ABLIM3: variants seen among roughly 807,000 people sequenced by gnomAD.
ABLIM3 encodes the protein actin binding LIM protein family member 3, also known as actin-binding LIM protein 3.
Under a neutral mutation model 109.5 loss-of-function variants are expected in ABLIM3, and 61 were observed. The ratio of observed to expected loss-of-function variants is 0.56; its 90% confidence interval spans 0.45 to 0.69. The LOEUF (loss-of-function observed/expected upper bound fraction) is 0.69, where lower values mean the gene tolerates loss of function less well. ABLIM3 is among the 30% of genes least tolerant of loss of function. The pLI is 0.00. For missense variants in ABLIM3, 796 were observed against 889.5 expected, an observed-to-expected ratio of 0.89 and a Z score of 1.34; for synonymous variants, 300 against 324.8, an observed-to-expected ratio of 0.92 and a Z score of 0.82.
intron 2 of ABLIM3, among the ~76,000 whole-genome samples, chr5:149,148,395 C>T (rs1457425585): frequency 6.6e-6 from 1 of 152,168 alleles, no homozygotes; most frequent in South Asian, 2.1e-4. Context: ...TGAGTCAGTA[C>T]ACTCGCTTCG....
Position 149,247,867 on chromosome 5 carries a change from G to C in ABLIM3, c.1637G>C (p.Arg546Pro), listed in dbSNP as rs138587496. ...SSYADPWTPP[R>P]SSTSSREALH... ...TATGCAGATCCCTGGACCCCTCCCC[G>C]GAGCTCCACCAGCAGCCGGGAAGCC... The change falls in exon 18 of 24, where the codon CGG becomes CCG. Residue 546 changes from arginine to proline, a missense_variant. Transcript: ENST00000309868. 6.2e-7 allele frequency: 1 copy of C among 1,614,220 alleles called. No individual in the cohort carries two copies. Among genetic ancestry groups the C allele is most frequent in the African/African-American group, 1.3e-5 (1 of 75,056 alleles).
chr5:149,208,911 G>A (rs1446374174), intron 6 of ABLIM3, among the ~76,000 whole-genome samples: 1 of 152,214 alleles, frequency 6.6e-6, no homozygotes, highest in African/African-American at 2.4e-5. Flanking sequence ...CATGGAAGGT[G>A]GGGGTAAGAT....
rs780220989 is a variant in ABLIM3 at position 149,258,418 on chromosome 5, A to C, written c.*14A>C. 1.9e-6 allele frequency: 3 copies of C among 1,610,710 alleles called. No individual in the cohort carries two copies. Among genetic ancestry groups the C allele is most frequent in the Admixed American group, 1.7e-5 (1 of 59,476 alleles). ...CGGCTGTTCTAGGCAGAGGCTCTAT[A>C]AATATATATGCATTTATATAAAGAT... On this transcript the variant is annotated 3_prime_UTR_variant, in exon 24 of 24. Coordinates refer to ENST00000309868, the MANE Select transcript of ABLIM3 (RefSeq NM_014945.5).
chr5:149,167,929 CA>C lies in ABLIM3; in HGVS notation c.14-15522del, dbSNP rs1458945346. 3.3e-5 allele frequency among the ~76,000 whole-genome samples: 5 copies of C among 152,252 alleles called. No individual in the cohort carries two copies. In the South Asian group the frequency reaches 6.2e-4, roughly 19 times the overall value. On this transcript the variant is annotated intron_variant, in intron 2 of 23. Transcript: ENST00000309868. ...GGGATCCATGGAAAGTAGGATTTCT[CA>C]GCTTAGCACTGTGAATTTTAGACTA... is the stretch of plus-strand genomic sequence containing the variant.
Position 149,198,347 on chromosome 5 carries a change from A to G in ABLIM3, c.280A>G (p.Ile94Val), listed in dbSNP as rs1203772502. 1.2e-6 allele frequency: 2 copies of G among 1,614,182 alleles called. No individual in the cohort carries two copies. Residue 94 changes from isoleucine to valine, a missense_variant, in exon 4 of 24, where the codon ATC becomes GTC. Physicochemically the swap from Ile to Val is conservative, Grantham distance 29. Transcript: ENST00000309868. This position sits in a 1 kb window ranked among gnomAD's most constrained non-coding sequence, Gnocchi z 4.2. ...CCGGGACTTCATCACAGGCGAAGTC[A>G]TCTCGGCCCTGGGCCGCACTTACCA... ...SCRDFITGEVISALGRTYHPK... is the reference protein window; with the variant it reads ...SCRDFITGEVVSALGRTYHPK...
At position 149,198,377 on chromosome 5, in the gene ABLIM3, A is replaced by C. The variant is rs764536483; in HGVS notation, c.310A>C (p.Lys104Gln). 1 of 1,612,650 alleles carries C rather than the reference A, an allele frequency of 6.2e-7. No individual in the cohort carries two copies. ...GGCCCTGGGCCGCACTTACCACCCC[A>C]AGTGCTTCGTGTGCAGCTTGTGCAG... is the stretch of plus-strand genomic sequence containing the variant. ...ISALGRTYHPKCFVCSLCRKP... is the reference protein window; with the variant it reads ...ISALGRTYHPQCFVCSLCRKP... Residue 104 changes from lysine (K) to glutamine (Q), a missense_variant, in exon 4 of 24, where the codon AAG becomes CAG. Coordinates refer to ENST00000309868, the MANE Select transcript of ABLIM3 (RefSeq NM_014945.5). The surrounding 1 kb of genome is among the most constrained non-coding windows in gnomAD (Gnocchi z 4.2).
rs779636497 is a variant in ABLIM3, at chr5:149,233,316, C to T, written c.888+16C>T. 2.5e-6 allele frequency: 4 copies of T among 1,613,150 alleles called. No homozygotes were observed. The South Asian group carries it at 4.4e-5, about 18-fold the overall frequency. On this transcript the variant is annotated intron_variant, in intron 10 of 23. Coordinates refer to ENST00000309868, the MANE Select transcript of ABLIM3 (RefSeq NM_014945.5). ...AGTCATCTGCGTATGTATCACTTTT[C>T]TACCACCAAAGGGCCTTCTTTATTC...
At chr5:149,150,643 G>A (rs1753345720) in intron 2 of ABLIM3, among the ~76,000 whole-genome samples, 1 of 152,242 alleles carries the variant, frequency 6.6e-6, no homozygotes, top group African/African-American at 2.4e-5. Context: ...CTGCTGTGGT[G>A]AACGGTCAAC....
intron 3 of ABLIM3, among the ~76,000 whole-genome samples, chr5:149,196,723 T>C (rs1758014312): frequency 6.6e-6 from 1 of 152,226 alleles, no homozygotes; most frequent in Non-Finnish European, 1.5e-5. Flanking sequence ...GTACATTCAG[T>C]GGGTTTCTAC....
chr5:149,209,186 G>A (rs1291669255), intron 6 of ABLIM3, among the ~76,000 whole-genome samples: 1 of 152,164 alleles, frequency 6.6e-6, no homozygotes, highest in Non-Finnish European at 1.5e-5. Flanking sequence ...GCTTGAGTCT[G>A]GAAGCCTAAA....
rs748320943 is a variant in ABLIM3 at position 149,207,105 on chromosome 5, C to T, written c.546C>T (p.Ser182=). 5.0e-6 allele frequency: 8 copies of T among 1,613,890 alleles called. No homozygotes were observed. Among genetic ancestry groups the T allele is most frequent in the Middle Eastern group, 1.6e-4 (1 of 6,080 alleles). The change falls in exon 6 of 24, where the codon AGC becomes AGT. Residue 182 remains serine, a synonymous_variant. Coordinates refer to ENST00000309868, the MANE Select transcript of ABLIM3 (RefSeq NM_014945.5). The part of the protein sequence containing the change: ...HVSCFKCQTC[S]VILTGEYISK... Reference sequence around the variant, plus strand: ...GCTGCTTCAAGTGCCAGACCTGCAGCGTCATCCTCACCGGGGAGTATATCA... The same window carrying T: ...GCTGCTTCAAGTGCCAGACCTGCAGTGTCATCCTCACCGGGGAGTATATCA...
At chr5:149,205,801 A>G (rs1758908691) in intron 5 of ABLIM3, among the ~76,000 whole-genome samples, 1 of 152,212 alleles carries the variant, frequency 6.6e-6, no homozygotes, top group Non-Finnish European at 1.5e-5. Flanking sequence ...CGCAACAGCC[A>G]AGAGGCGGAG....
At chr5:149,238,484 A>T (rs2127556409) in intron 11 of ABLIM3, among the ~76,000 whole-genome samples, 1 of 152,238 alleles carries the variant, frequency 6.6e-6, no homozygotes, top group South Asian at 2.1e-4. Context: ...GGAGAGGAGG[A>T]TCAAGTGTTT....
At chr5:149,189,611 G>A (rs75597160) in intron 3 of ABLIM3, among the ~76,000 whole-genome samples, 7,604 of 152,206 alleles carry the variant, frequency 0.05, 580 homozygotes, top group African/African-American at 0.17. Flanking sequence ...AAAAATGCTC[G>A]ACATCATTAG....
chr5:149,160,538 G>A (rs1426619932), intron 2 of ABLIM3, among the ~76,000 whole-genome samples: 3 of 152,078 alleles, frequency 2.0e-5, no homozygotes, highest in African/African-American at 4.8e-5. Context: ...ATGAACTTTG[G>A]TTTATAAACT....
At chr5:149,157,426 G>GT (rs1753952403) in intron 2 of ABLIM3, among the ~76,000 whole-genome samples, 1 of 151,964 alleles carries the variant, frequency 6.6e-6, no homozygotes, top group Non-Finnish European at 1.5e-5. Context: ...TGCTCAGCAT[G>GT]TTTTATCCTT....
chr5:149,210,137 C>T (rs1759394959), intron 6 of ABLIM3, among the ~76,000 whole-genome samples: 1 of 152,206 alleles, frequency 6.6e-6, no homozygotes, highest in Non-Finnish European at 1.5e-5. Flanking sequence ...CATGGCCATT[C>T]CTCCAGCTGC....
chr5:149,248,668 C>G (rs201170429), intron 18 of ABLIM3, among the ~76,000 whole-genome samples: 5 of 112,886 alleles, frequency 4.4e-5, no homozygotes, highest in Admixed American at 1.3e-4. Flanking sequence ...CCAGCCTGGG[C>G]AACAGAGCGA....
chr5:149,152,312 G>A (rs1039279627), intron 2 of ABLIM3, among the ~76,000 whole-genome samples: 4 of 152,160 alleles, frequency 2.6e-5, no homozygotes, highest in Admixed American at 2.6e-4. Flanking sequence ...CAAATATGTA[G>A]AAGTGATTCT....
Sources: gnomAD v4.1 joint callset for allele counts (sites outside exome capture counted in the v4.1 genomes callset) on GRCh38, gnomAD v4.1.1 for gene constraint, Gnocchi (gnomAD v3.1) non-coding constraint, MANE v1.5 for transcripts, NCBI Gene and HGNC (gene_info 2026-07-23, HGNC 2026-07-21) for gene names.